The following CAMTA1 variants were observed in gnomAD, a reference collection of about 807,000 sequenced individuals.
The protein encoded by CAMTA1 is calmodulin binding transcription activator 1.
A neutral mutation model predicts 170.9 loss-of-function variants in CAMTA1; 27 were observed. The observed-to-expected ratio is 0.16, with a 90% CI of 0.12 to 0.22. The LOEUF is 0.22. CAMTA1 is among the 10% of genes least tolerant of loss of function. CAMTA1 has a pLI of 1.00. For missense variants in CAMTA1, 1,619 were observed against 2,217.2 expected, an observed-to-expected ratio of 0.73 and a Z score of 5.42; for synonymous variants, 833 against 891.5, an observed-to-expected ratio of 0.93 and a Z score of 1.17.
At chr1:7,677,759 G>T (rs1429131342) in intron 11 of CAMTA1, 26 bp downstream of exon 11, 1 of 1,605,558 alleles carries the variant, frequency 6.2e-7, no homozygotes, top group African/African-American at 1.3e-5. Context: ...GGGTCGTCTT[G>T]CCAGGCACCA....
At chr1:7,027,961 A>G (rs1702240865) in intron 3 of CAMTA1, among the ~76,000 whole-genome samples, 1 of 150,424 alleles carries the variant, frequency 6.6e-6, no homozygotes, top group Non-Finnish European at 1.5e-5. Flanking sequence ...CTGGAGTGCA[A>G]TGGTGCAATC....
At chr1:7,127,896 T>C (rs1019047312) in intron 4 of CAMTA1, among the ~76,000 whole-genome samples, 19 of 152,182 alleles carry the variant, frequency 1.2e-4, no homozygotes, top group Admixed American at 2.0e-4. Context: ...AGGAACTTGA[T>C]TGGTAAACCG....
chr1:6,941,834 C>T (rs2149432371), intron 3 of CAMTA1, among the ~76,000 whole-genome samples: 1 of 152,318 alleles, frequency 6.6e-6, no homozygotes, highest in Admixed American at 6.5e-5. Flanking sequence ...GGGCTAGAAG[C>T]CCATGTGTCC....
At chr1:7,718,405 C>CTGCTCACTT (rs1213889654) in intron 11 of CAMTA1, among the ~76,000 whole-genome samples, 1 of 152,154 alleles carries the variant, frequency 6.6e-6, no homozygotes, top group Admixed American at 6.5e-5. Flanking sequence ...CTGACAATTC[C>CTGCTCACTT]TGCTCACTTT....
At chr1:7,183,027 A>G (rs567657650) in intron 4 of CAMTA1, among the ~76,000 whole-genome samples, 1 of 152,312 alleles carries the variant, frequency 6.6e-6, no homozygotes, top group South Asian at 2.1e-4. Flanking sequence ...TTGCATTGCT[A>G]TAAAGGAATA....
chr1:7,102,782 G>A (rs1642894406), intron 4 of CAMTA1, among the ~76,000 whole-genome samples: 1 of 152,112 alleles, frequency 6.6e-6, no homozygotes, highest in African/African-American at 2.4e-5. Context: ...CTGATGCTGG[G>A]GGTTGACCGT....
chr1:7,488,664 T>C (rs1384806986), intron 6 of CAMTA1, among the ~76,000 whole-genome samples: 4 of 152,120 alleles, frequency 2.6e-5, no homozygotes, highest in South Asian at 2.1e-4. Context: ...TGCACACATA[T>C]AAACACTTGC....
chr1:7,545,075 A>G (rs937872080), intron 6 of CAMTA1, among the ~76,000 whole-genome samples: 5 of 152,144 alleles, frequency 3.3e-5, no homozygotes, highest in Non-Finnish European at 7.4e-5. Flanking sequence ...CTTATATATT[A>G]TCGTGGTCAT....
chr1:7,262,431 G>C (rs1440893843), intron 5 of CAMTA1, among the ~76,000 whole-genome samples: 1 of 152,246 alleles, frequency 6.6e-6, no homozygotes, highest in East Asian at 1.9e-4. Flanking sequence ...GCGTGGTGGC[G>C]CAAGCCTGTA....
At chr1:7,354,085 A>G (rs1045795110) in intron 5 of CAMTA1, among the ~76,000 whole-genome samples, 1 of 151,572 alleles carries the variant, frequency 6.6e-6, no homozygotes, top group Non-Finnish European at 1.5e-5. Context: ...AAAGACCATG[A>G]TTTCATTCCT....
chr1:7,710,235 T>G (rs574999133), intron 11 of CAMTA1, among the ~76,000 whole-genome samples: 7 of 152,224 alleles, frequency 4.6e-5, no homozygotes, highest in Non-Finnish European at 5.9e-5. Context: ...CTACTGTCAT[T>G]TATCACATGT....
In CAMTA1 at chr1:7,288,703, C is replaced by T. The variant is rs1188995303; in HGVS notation, c.438+39077C>T. ...TGAAAGAGAGCAGTAACCGTGAGAT[C>T]CCTGGTGCCCATGCAAAGCCCAAGA... On this transcript the variant is annotated intron_variant, in intron 5 of 22. Transcript: ENST00000303635. Among the ~76,000 whole-genome samples the T allele has an allele frequency of 2.6e-5, 4 of 152,208 alleles. No individual in the cohort carries two copies. In the East Asian group the frequency reaches 5.8e-4, roughly 22 times the overall value.
rs1280298374 is a variant in CAMTA1, at chr1:7,198,674, C to G, written c.303-50817C>G. Among the ~76,000 whole-genome samples the G allele has an allele frequency of 2.0e-5, 3 of 152,050 alleles. No individual in the cohort carries two copies. In the East Asian group the frequency reaches 5.8e-4, roughly 29 times the overall value. ...GAGTGGCAGCTTCCACCTCTAGGAC[C>G]TCTTCTTGCTGTGACTCTGCTTGGG... On this transcript the variant is annotated intron_variant, in intron 4 of 22. Coordinates refer to ENST00000303635, the MANE Select transcript of CAMTA1 (RefSeq NM_015215.4).
rs375912921 is a variant in CAMTA1 at position 6,917,246 on chromosome 1, G to A, written c.234+92036G>A. Among the ~76,000 whole-genome samples, 40 of 152,302 alleles carry A rather than the reference G, an allele frequency of 2.6e-4. No individual in the cohort carries two copies. In the South Asian group the frequency reaches 8.1e-3, roughly 31 times the overall value. ...AGAGGGTTTGCAGTGTGGGGAATGA[G>A]GGTGTGGCTGGTGCAGGATGAGGGT... On this transcript the variant is annotated intron_variant, in intron 3 of 22. Coordinates refer to ENST00000303635, the MANE Select transcript of CAMTA1 (RefSeq NM_015215.4).
At chr1:6,847,396 A>G (rs1394312357) in intron 3 of CAMTA1, among the ~76,000 whole-genome samples, 3 of 152,218 alleles carry the variant, frequency 2.0e-5, no homozygotes, top group African/African-American at 7.2e-5. Context: ...TTCCTGTGCA[A>G]AGGAACGGAA....
chr1:7,700,605 G>A (rs572785421), intron 11 of CAMTA1: 6 of 152,308 alleles, frequency 3.9e-5, no homozygotes, highest in Middle Eastern at 3.4e-3. Context: ...CAGGGGCCCC[G>A]GCTGGCAGAG....
At chr1:7,310,700 C>CTCTCTTTCTT (rs1361709842) in intron 5 of CAMTA1, among the ~76,000 whole-genome samples, 6 of 53,486 alleles carry the variant, frequency 1.1e-4, no homozygotes, top group East Asian at 3.6e-4. Context: ...CTCTCTCTCT[C>CTCTCTTTCTT]TCTTTCTTTC....
Position 7,466,327 on chromosome 1 carries a change from C to T in CAMTA1, c.439-1503C>T, listed in dbSNP as rs557019189. Among the ~76,000 whole-genome samples, 111 of 152,234 alleles carry T rather than the reference C, an allele frequency of 7.3e-4. 3 individuals are homozygous for T. In the South Asian group the frequency reaches 0.021, roughly 29 times the overall value. ...CAAGGGAATTGTTTAAATTAATTTC[C>T]GCTTTGTATGTTTGGTTTATACAGG... On this transcript the variant is annotated intron_variant, in intron 5 of 22. Coordinates refer to ENST00000303635, the MANE Select transcript of CAMTA1 (RefSeq NM_015215.4).
intron 7 of CAMTA1, among the ~76,000 whole-genome samples, chr1:7,656,003 G>A (rs2095899994): frequency 6.6e-6 from 1 of 152,188 alleles, no homozygotes; most frequent in South Asian, 2.1e-4. Context: ...TTTACTTAGG[G>A]TTTCTGGGAA....
Sources: gnomAD v4.1 joint callset for allele counts (sites outside exome capture counted in the v4.1 genomes callset) on GRCh38, gnomAD v4.1.1 for gene constraint, MANE v1.5 for transcripts, NCBI Gene and HGNC (gene_info 2026-07-23, HGNC 2026-07-21) for gene names.